AMBRA1: variants seen among roughly 807,000 people sequenced by gnomAD.
AMBRA1 encodes activating molecule in BECN1-regulated autophagy protein 1.
A neutral mutation model predicts 125.4 loss-of-function variants in AMBRA1; 47 were observed. That is an observed-to-expected ratio of 0.37 (90% CI 0.30 to 0.48). The LOEUF (loss-of-function observed/expected upper bound fraction) is 0.48. Ranked by LOEUF, AMBRA1 falls within the 20% of genes least tolerant of loss-of-function variation. The pLI is 0.99. For synonymous variants in AMBRA1, 626 were observed against 655.5 expected, an observed-to-expected ratio of 0.95 and a Z score of 0.69; for missense variants, 1,331 against 1,693.4, an observed-to-expected ratio of 0.79 and a Z score of 3.76.
chr11:46,539,887 A>G (rs1031739336), intron 7 of AMBRA1, among the ~76,000 whole-genome samples: 9 of 152,012 alleles, frequency 5.9e-5, no homozygotes, highest in Non-Finnish European at 8.8e-5. Flanking sequence ...GCTGGAGTGC[A>G]GTGGCGTGAT....
intron 8 of AMBRA1, among the ~76,000 whole-genome samples, 165 bp from the exon 9 acceptor site, chr11:46,508,535 GA>G (rs1287295546): frequency 1.3e-5 from 2 of 152,216 alleles, no homozygotes; most frequent in African/African-American, 4.8e-5. Flanking sequence ...TTGCACTGCA[GA>G]ATATACTTAT....
intron 7 of AMBRA1, among the ~76,000 whole-genome samples, chr11:46,521,182 C>T (rs1287086775): frequency 6.6e-6 from 1 of 152,244 alleles, no homozygotes; most frequent in East Asian, 1.9e-4. Context: ...CAAAACCTCA[C>T]ACTAAAACTC....
At position 46,397,600 on chromosome 11, in the gene AMBRA1, G is replaced by C. The variant is rs374289799; in HGVS notation, c.3747C>G (p.Pro1249=). ...CAGGAATGGGGACAGGGGAGGAAGA[G>C]GGCAGGGTTGGCTGGGTTGGCTCCC... ...PGREPTQPTL[P]SSSPVPIPVS... The change falls in exon 18 of 18, where the codon CCC becomes CCG. Residue 1249 remains proline, a synonymous_variant. Coordinates refer to ENST00000683756, the MANE Select transcript of AMBRA1 (RefSeq NM_001387011.1). 2 of 1,607,290 alleles carry C rather than the reference G, an allele frequency of 1.2e-6. No individual in the cohort carries two copies. The highest frequency in any genetic ancestry group is 2.7e-5 in the African/African-American group (2 of 74,970).
chr11:46,460,543 T>C (rs1274574155), intron 11 of AMBRA1, among the ~76,000 whole-genome samples: 3 of 152,312 alleles, frequency 2.0e-5, no homozygotes. Flanking sequence ...CAAGATGGTC[T>C]TGATCTCCTG....
chr11:46,516,561 G>A lies in AMBRA1; in HGVS notation c.2073-3748C>T, dbSNP rs1951498110. Among the ~76,000 whole-genome samples the A allele has an allele frequency of 3.3e-5, 5 of 150,834 alleles. No homozygotes were observed. The South Asian group carries it at 1.0e-3, about 31-fold the overall frequency. On this transcript the variant is annotated intron_variant, in intron 7 of 17. Transcript: ENST00000683756. The stretch of plus-strand genomic sequence containing the variant: ...TTCTCCTGCCTCAGCCTCCCAAGTA[G>A]CTGGGACTACAGGCACCTGCCACCA...
chr11:46,568,121 C>A (rs956387402), intron 1 of AMBRA1, among the ~76,000 whole-genome samples: 2 of 150,670 alleles, frequency 1.3e-5, no homozygotes. Flanking sequence ...GCACTCCAGC[C>A]TGGGAGACAG....
At chr11:46,512,893 G>T in intron 7 of AMBRA1, 80 bp from the exon 8 acceptor site, 1 of 1,317,158 alleles carries the variant, frequency 7.6e-7, no homozygotes, top group Non-Finnish European at 1.1e-6. Context: ...ATGAGGGAGA[G>T]ATATATAACT....
chr11:46,577,382 T>C (rs558594259), intron 1 of AMBRA1, among the ~76,000 whole-genome samples: 1 of 152,326 alleles, frequency 6.6e-6, no homozygotes, highest in South Asian at 2.1e-4. Context: ...TATTGTATGA[T>C]GCCATTTACA....
At chr11:46,541,040 G>A (rs527274363) in intron 7 of AMBRA1, among the ~76,000 whole-genome samples, 11 of 152,278 alleles carry the variant, frequency 7.2e-5, no homozygotes, top group African/African-American at 2.6e-4. Flanking sequence ...CAGTTGCTTC[G>A]ACAGAGGATG....
intron 1 of AMBRA1, among the ~76,000 whole-genome samples, chr11:46,554,213 A>G (rs577714215): frequency 6.6e-6 from 1 of 152,310 alleles, no homozygotes; most frequent in East Asian, 1.9e-4. Context: ...AAAGAAATAC[A>G]CTTAAACCAT....
chr11:46,491,678 G>A (rs1461890839), intron 11 of AMBRA1, among the ~76,000 whole-genome samples: 1 of 152,170 alleles, frequency 6.6e-6, no homozygotes, highest in East Asian at 1.9e-4. Flanking sequence ...CAAGAGTGAG[G>A]TTCTAGGGAG....
At chr11:46,568,386 A>G (rs1007456448) in intron 1 of AMBRA1, among the ~76,000 whole-genome samples, 4 of 152,098 alleles carry the variant, frequency 2.6e-5, no homozygotes, top group African/African-American at 9.7e-5. Context: ...TGAACCCAGG[A>G]GGCAGAGGTT....
intron 7 of AMBRA1, among the ~76,000 whole-genome samples, chr11:46,522,989 G>A (rs1442129419): frequency 3.3e-5 from 5 of 152,158 alleles, no homozygotes; most frequent in African/African-American, 1.2e-4. Flanking sequence ...AAGAGAATGA[G>A]GGAAAAGCAA....
At chr11:46,454,441 A>T (rs2136805491) in intron 11 of AMBRA1, among the ~76,000 whole-genome samples, 1 of 151,940 alleles carries the variant, frequency 6.6e-6, no homozygotes, top group Non-Finnish European at 1.5e-5. Flanking sequence ...AGGTCAAAAA[A>T]GAAAGAGAAA....
At chr11:46,434,720 G>T in intron 13 of AMBRA1, 129 bp downstream of exon 13, 2 of 987,698 alleles carry the variant, frequency 2.0e-6, no homozygotes, top group Non-Finnish European at 2.9e-6. Context: ...TCTTTCTCTG[G>T]CCTGTGCCCC....
chr11:46,420,418 C>T (rs1242461635), intron 14 of AMBRA1, among the ~76,000 whole-genome samples: 2 of 152,146 alleles, frequency 1.3e-5, no homozygotes, highest in Admixed American at 6.5e-5. Flanking sequence ...ACTGTCTGAA[C>T]GGGCACAGAT....
chr11:46,535,826 C>A (rs997871514), intron 7 of AMBRA1, among the ~76,000 whole-genome samples: 4 of 152,134 alleles, frequency 2.6e-5, no homozygotes, highest in Non-Finnish European at 5.9e-5. Context: ...CCAGTGCTCT[C>A]GAGGAAGGCG....
At chr11:46,428,615 C>T (rs1947278020) in intron 14 of AMBRA1, 10 of 1,487,482 alleles carry the variant, frequency 6.7e-6, no homozygotes, top group South Asian at 2.3e-5. Flanking sequence ...GGTTTTTTGG[C>T]TATAAGTTTA....
intron 1 of AMBRA1, among the ~76,000 whole-genome samples, chr11:46,564,981 G>A (rs535732007): frequency 1.3e-5 from 2 of 152,248 alleles, no homozygotes; most frequent in Admixed American, 1.3e-4. Flanking sequence ...TCATGGCCAG[G>A]TGCAAAGGCT....
Sources: allele counts gnomAD v4.1 joint callset (sites outside exome capture counted in the v4.1 genomes callset), GRCh38; gene constraint gnomAD v4.1.1; transcripts MANE v1.5; gene names NCBI Gene and HGNC (gene_info 2026-07-23, HGNC 2026-07-21).